The following CLASP1 variants were observed in gnomAD, a reference collection of about 807,000 sequenced individuals.
CLASP1 encodes cytoplasmic linker associated protein 1, also known as CLIP-associating protein 1.
A neutral mutation model predicts 192.3 loss-of-function variants in CLASP1; 38 were observed. That is an observed-to-expected ratio of 0.20 (90% CI 0.15 to 0.26). The LOEUF (loss-of-function observed/expected upper bound fraction) is 0.26, where lower values mean the gene tolerates loss of function less well. Among genes scored for constraint, CLASP1 ranks in the 10% least tolerant of loss-of-function variants. The pLI is 1.00. For synonymous variants in CLASP1, 691 were observed against 712.8 expected (o/e 0.97, Z 0.49); for missense variants, 1,433 against 1,932.5 (o/e 0.74, Z 4.85).
chr2:121,620,465 T>C (rs575102791), intron 1 of CLASP1, among the ~76,000 whole-genome samples: 5 of 152,090 alleles, frequency 3.3e-5, no homozygotes, highest in Admixed American at 6.5e-5. Flanking sequence ...TTCTCCCACC[T>C]TAGCATTCCA....
chr2:121,546,690 T>C lies in CLASP1; in HGVS notation c.196-16365A>G. ...GCTACATGGAATCTTGGCAGAGTAG[T>C]TTCTCAGGCGCAAACAGAGACCCGA... On this transcript the variant is annotated intron_variant, in intron 2 of 39. Transcript: ENST00000263710. 1.3e-5 allele frequency among the ~76,000 whole-genome samples: 2 copies of C among 152,072 alleles called. 1 individual carries two copies. Among genetic ancestry groups the C allele is most frequent in the Middle Eastern group, 6.3e-3 (2 of 316 alleles).
chr2:121,542,290 G>GT (rs2095250795), intron 2 of CLASP1, among the ~76,000 whole-genome samples: 1 of 152,176 alleles, frequency 6.6e-6, no homozygotes, highest in Non-Finnish European at 1.5e-5. Context: ...GAGTCAAAAA[G>GT]AAAACACACT....
intron 5 of CLASP1, 130 bp downstream of exon 5, chr2:121,527,669 G>C: frequency 3.0e-6 from 2 of 666,602 alleles, no homozygotes; most frequent in South Asian, 3.7e-5. Flanking sequence ...ACTGGGCAAG[G>C]GTGGGTAAAG....
intron 2 of CLASP1, 97 bp from the exon 3 acceptor site, chr2:121,530,422 A>T (rs2094742998): frequency 1.1e-6 from 1 of 895,660 alleles, no homozygotes. Flanking sequence ...TCCGGCCCAG[A>T]CGCAGTCCGA....
chr2:121,627,690 G>A (rs568052055), intron 1 of CLASP1, among the ~76,000 whole-genome samples: 40 of 152,292 alleles, frequency 2.6e-4, no homozygotes, highest in South Asian at 2.1e-3. Context: ...TGAATCTGAC[G>A]GACGAGGAAA....
chr2:121,353,190 G>A (rs974662810), intron 37 of CLASP1, among the ~76,000 whole-genome samples: 7 of 152,176 alleles, frequency 4.6e-5, no homozygotes, highest in Admixed American at 2.0e-4. Context: ...CAAGCTAGGT[G>A]TTGGTGGAGG....
intron 2 of CLASP1, among the ~76,000 whole-genome samples, chr2:121,559,360 G>C (rs144699027): frequency 3.7e-4 from 56 of 152,148 alleles, no homozygotes; most frequent in African/African-American, 1.3e-3. Context: ...ATACCCAAGA[G>C]ATTTAAAAAT....
chr2:121,551,247 C>T (rs1386287087), intron 2 of CLASP1, among the ~76,000 whole-genome samples: 2 of 152,182 alleles, frequency 1.3e-5, no homozygotes, highest in African/African-American at 4.8e-5. Context: ...CAACACCATA[C>T]TGAATGGGGA....
intron 36 of CLASP1, 104 bp from the exon 38 acceptor site, chr2:121,363,404 C>A: frequency 7.2e-7 from 1 of 1,393,384 alleles, no homozygotes; most frequent in Non-Finnish European, 9.8e-7. Context: ...TCTGGGTTCC[C>A]TGGAACCTCG....
intron 37 of CLASP1, among the ~76,000 whole-genome samples, chr2:121,351,926 C>T (rs72965500): frequency 1.3e-5 from 2 of 152,206 alleles, no homozygotes; most frequent in African/African-American, 2.4e-5. Flanking sequence ...TCTGTGTGTA[C>T]GTTTGTTCAC....
At chr2:121,513,020 C>A (rs2094184162) in intron 7 of CLASP1, 1 of 152,170 alleles carries the variant, frequency 6.6e-6, no homozygotes, top group Non-Finnish European at 1.5e-5. Flanking sequence ...TAAGAGAAGT[C>A]TCGACTATTC....
intron 39 of CLASP1, among the ~76,000 whole-genome samples, chr2:121,346,546 G>A (rs2063485917): frequency 6.6e-6 from 1 of 152,230 alleles, no homozygotes; most frequent in African/African-American, 2.4e-5. Context: ...CTGTGCCGTG[G>A]GGCACGTTAA....
At chr2:121,353,286 G>A (rs1226751330) in intron 37 of CLASP1, among the ~76,000 whole-genome samples, 5 of 152,202 alleles carry the variant, frequency 3.3e-5, no homozygotes, top group East Asian at 1.9e-4. Context: ...GCTGGGGATC[G>A]GGGGTGAAGG....
At chr2:121,363,071 G>A (rs1162765593) in intron 37 of CLASP1, 101 bp downstream of exon 38, 2 of 1,428,220 alleles carry the variant, frequency 1.4e-6, no homozygotes, top group Non-Finnish European at 1.9e-6. Flanking sequence ...CCAAGGAAGG[G>A]GCTCTTAAGC....
chr2:121,387,906 C>T (rs1383324783), exon 31 of CLASP1: 1 of 1,605,550 alleles, frequency 6.2e-7, no homozygotes, highest in East Asian at 2.2e-5. Context: ...ATCTGTGCTG[C>T]CTAGAAAAAG....
chr2:121,343,454 A>C (rs954534078), intron 39 of CLASP1, among the ~76,000 whole-genome samples: 2 of 150,638 alleles, frequency 1.3e-5, no homozygotes, highest in African/African-American at 4.9e-5. Flanking sequence ...TAAACAAACC[A>C]TGCAATCTAC....
chr2:121,488,927 A>G (rs1015648417), intron 8 of CLASP1, among the ~76,000 whole-genome samples: 2 of 152,238 alleles, frequency 1.3e-5, no homozygotes, highest in South Asian at 2.1e-4. Flanking sequence ...TTGAAAAAAT[A>G]TATCAAGTGA....
chr2:121,563,790 G>A, intron 2 of CLASP1, among the ~76,000 whole-genome samples: 1 of 152,150 alleles, frequency 6.6e-6, no homozygotes, highest in East Asian at 1.9e-4. Context: ...AGCAAGGGGT[G>A]AAAATGAAAG....
chr2:121,513,100 C>A (rs2150332089), intron 7 of CLASP1: 1 of 152,352 alleles, frequency 6.6e-6, no homozygotes, highest in Non-Finnish European at 1.5e-5. Flanking sequence ...ATAAAAGCCT[C>A]ATTCCATTTG....
Sources: gnomAD v4.1 joint callset for allele counts (sites outside exome capture counted in the v4.1 genomes callset) on GRCh38, gnomAD v4.1.1 for gene constraint, MANE v1.5 for transcripts, NCBI Gene and HGNC (gene_info 2026-07-23, HGNC 2026-07-21) for gene names.